The following JAKMIP2 variants were observed in gnomAD, a reference collection of about 807,000 sequenced individuals.
The protein encoded by JAKMIP2 is janus kinase and microtubule interacting protein 2, also known as janus kinase and microtubule-interacting protein 2.
Under a neutral mutation model 115.0 loss-of-function variants are expected in JAKMIP2, and 25 were observed. That is an observed-to-expected ratio of 0.22 (90% CI 0.16 to 0.30). The LOEUF is 0.30. Among genes scored for constraint, JAKMIP2 ranks in the 10% least tolerant of loss-of-function variants. JAKMIP2 has a pLI of 1.00. For missense variants in JAKMIP2, 642 were observed against 957.6 expected, an observed-to-expected ratio of 0.67 and a Z score of 4.35; for synonymous variants, 334 against 343.6, an observed-to-expected ratio of 0.97 and a Z score of 0.31.
At chr5:147,734,508 G>A (rs547321271) in intron 1 of JAKMIP2, among the ~76,000 whole-genome samples, 1 of 147,098 alleles carries the variant, frequency 6.8e-6, no homozygotes, top group Non-Finnish European at 1.5e-5. Flanking sequence ...TGGAGGGTGG[G>A]GGGGCTAGGG....
intron 21 of JAKMIP2, among the ~76,000 whole-genome samples, chr5:147,600,518 C>A (rs1244004729): frequency 6.6e-6 from 1 of 152,104 alleles, no homozygotes; most frequent in Admixed American, 6.6e-5. Context: ...CAGGAAAGAT[C>A]TCAGGCTAAT....
At chr5:147,772,704 G>T (rs1755408503) in intron 1 of JAKMIP2, among the ~76,000 whole-genome samples, 2 of 151,782 alleles carry the variant, frequency 1.3e-5, no homozygotes, top group African/African-American at 4.8e-5. Context: ...TCTTGAGCTG[G>T]GTCCAGTCCA....
intron 1 of JAKMIP2, 97 bp from the exon 2 acceptor site, chr5:147,672,051 C>G: frequency 3.1e-5 from 24 of 768,914 alleles, no homozygotes; most frequent in Non-Finnish European, 4.0e-5. Context: ...TAAGAGCCTC[C>G]TCCTGAGGCT....
chr5:147,725,829 G>C (rs1753494578), intron 1 of JAKMIP2, among the ~76,000 whole-genome samples: 4 of 152,108 alleles, frequency 2.6e-5, no homozygotes, highest in African/African-American at 9.7e-5. Flanking sequence ...ATTCTCTTTG[G>C]ATTAATCTGC....
chr5:147,660,916 C>G, intron 3 of JAKMIP2, 32 bp downstream of exon 3: 1 of 1,604,634 alleles, frequency 6.2e-7, no homozygotes, highest in Non-Finnish European at 8.5e-7. Flanking sequence ...GAGATGGGTT[C>G]TACATGGGTC....
intron 1 of JAKMIP2, among the ~76,000 whole-genome samples, chr5:147,747,019 G>C (rs998289775): frequency 2.6e-5 from 4 of 152,154 alleles, no homozygotes; most frequent in Non-Finnish European, 5.9e-5. Context: ...AAAGCTGTTT[G>C]TATGTCCAAT....
At chr5:147,698,278 T>C (rs10463280) in intron 1 of JAKMIP2, among the ~76,000 whole-genome samples, 42,089 of 152,064 alleles carry the variant, frequency 0.28, 6,793 homozygotes, top group East Asian at 0.5. Context: ...CACCCCATTG[T>C]ATCTAGGAAC....
chr5:147,751,136 A>G (rs1314328691), intron 1 of JAKMIP2, among the ~76,000 whole-genome samples: 2 of 150,372 alleles, frequency 1.3e-5, no homozygotes, highest in Non-Finnish European at 2.9e-5. Flanking sequence ...CAGTGGCATG[A>G]TCTCCACTCA....
At chr5:147,698,850 G>T (rs942490235) in intron 1 of JAKMIP2, among the ~76,000 whole-genome samples, 1 of 152,124 alleles carries the variant, frequency 6.6e-6, no homozygotes, top group Non-Finnish European at 1.5e-5. Flanking sequence ...GCTTCCTAGA[G>T]TTGCTCAAAG....
At chr5:147,616,932 C>T (rs1164239621) in intron 19 of JAKMIP2, among the ~76,000 whole-genome samples, 2 of 152,180 alleles carry the variant, frequency 1.3e-5, no homozygotes, top group Non-Finnish European at 2.9e-5. Flanking sequence ...CTCTTTTCCA[C>T]TTACCTTGAT....
At chr5:147,676,653 C>T (rs1759981104) in intron 1 of JAKMIP2, among the ~76,000 whole-genome samples, 1 of 152,228 alleles carries the variant, frequency 6.6e-6, no homozygotes, top group Non-Finnish European at 1.5e-5. Context: ...TCCACTATCC[C>T]TAATCAGGCA....
intron 1 of JAKMIP2, among the ~76,000 whole-genome samples, chr5:147,762,438 T>C (rs1358947631): frequency 2.0e-5 from 3 of 152,150 alleles, no homozygotes; most frequent in African/African-American, 7.2e-5. Context: ...AAATTTATCT[T>C]CTCACAGTTC....
intron 1 of JAKMIP2, among the ~76,000 whole-genome samples, chr5:147,760,958 G>A (rs1200295482): frequency 6.6e-6 from 1 of 152,032 alleles, no homozygotes; most frequent in African/African-American, 2.4e-5. Flanking sequence ...AAAAGTATGA[G>A]GTTCCTATAC....
intron 1 of JAKMIP2, among the ~76,000 whole-genome samples, chr5:147,698,886 C>A (rs1359373082): frequency 6.6e-6 from 1 of 152,146 alleles, no homozygotes; most frequent in Non-Finnish European, 1.5e-5. Flanking sequence ...CAAAAATAAT[C>A]TGGATTTTCA....
intron 1 of JAKMIP2, among the ~76,000 whole-genome samples, chr5:147,756,470 C>T (rs1187307092): frequency 6.6e-6 from 1 of 152,162 alleles, no homozygotes; most frequent in Non-Finnish European, 1.5e-5. Context: ...GACATTAAAA[C>T]AGGAAAGACC....
intron 5 of JAKMIP2, among the ~76,000 whole-genome samples, chr5:147,646,330 C>A (rs1758127583): frequency 1.3e-5 from 2 of 152,070 alleles, no homozygotes; most frequent in African/African-American, 4.8e-5. Context: ...TGCCTTAGTC[C>A]TTAGTGCCTG....
chr5:147,730,825 G>T (rs560343114), intron 1 of JAKMIP2, among the ~76,000 whole-genome samples: 1 of 152,214 alleles, frequency 6.6e-6, no homozygotes. Flanking sequence ...GCTGATGTTT[G>T]CTGTTGGTAA....
Position 147,674,484 on chromosome 5 carries a change from T to A in JAKMIP2, c.-148-2530A>T, listed in dbSNP as rs557688835. On this transcript the variant is annotated intron_variant, in intron 1 of 21. Coordinates refer to ENST00000616793, the MANE Select transcript of JAKMIP2 (RefSeq NM_001270941.2). ...CCTGAAGCCACAAATTTGCCTGGTG[T>A]ATTTAGAAAAGGTTGTGAAATGGAA... Among the ~76,000 whole-genome samples, 4 of 152,274 alleles carry A rather than the reference T, an allele frequency of 2.6e-5. No homozygotes were observed. The South Asian group carries it at 6.2e-4, about 24-fold the overall frequency.
At chr5:147,696,147 A>G (rs1415225591) in intron 1 of JAKMIP2, among the ~76,000 whole-genome samples, 1 of 152,144 alleles carries the variant, frequency 6.6e-6, no homozygotes, top group Non-Finnish European at 1.5e-5. Flanking sequence ...ATATTGCTCT[A>G]TATAAGGTTT....
Sources: gnomAD v4.1 joint callset for allele counts (sites outside exome capture counted in the v4.1 genomes callset) on GRCh38, gnomAD v4.1.1 for gene constraint, MANE v1.5 for transcripts, NCBI Gene and HGNC (gene_info 2026-07-23, HGNC 2026-07-21) for gene names.